The following PSMD1 variants were observed in gnomAD, a reference collection of about 807,000 sequenced individuals.
The protein encoded by PSMD1 is 26S proteasome non-ATPase regulatory subunit 1.
In PSMD1, 18 loss-of-function variants were observed where a neutral mutation model predicts 119.0. The ratio of observed to expected loss-of-function variants is 0.15; its 90% confidence interval spans 0.10 to 0.22. The LOEUF (loss-of-function observed/expected upper bound fraction) is 0.22, where lower values mean the gene tolerates loss of function less well. PSMD1 is among the 10% of genes least tolerant of loss of function. PSMD1 has a pLI of 1.00. For missense variants in PSMD1, 702 were observed against 1,158.5 expected (o/e 0.61, Z 5.72); for synonymous variants, 374 against 396.6 (o/e 0.94, Z 0.68).
chr2:231,163,624 A>G lies in PSMD1; in HGVS notation c.2389-11A>G, dbSNP rs901300164. 2.5e-6 allele frequency: 4 copies of G among 1,596,708 alleles called. No individual in the cohort carries two copies. The Admixed American group carries it at 5.0e-5, about 20-fold the overall frequency. On this transcript the variant is annotated splice_polypyrimidine_tract_variant and intron_variant, in intron 20 of 24. Coordinates refer to ENST00000308696, the MANE Select transcript of PSMD1 (RefSeq NM_002807.4). ...CTTAAAGCCAATGTTATTTTAATGG[A>G]ATTTCTTCAGATGCCGAAAGTTCAG...
chr2:231,095,763 G>A (rs979135551), intron 16 of PSMD1, among the ~76,000 whole-genome samples: 1 of 152,176 alleles, frequency 6.6e-6, no homozygotes, highest in African/African-American at 2.4e-5. Flanking sequence ...GAATCGCTGC[G>A]GGGGAAGGGA....
chr2:231,125,789 T>G (rs961704666), intron 16 of PSMD1, among the ~76,000 whole-genome samples: 1 of 152,242 alleles, frequency 6.6e-6, no homozygotes, highest in Non-Finnish European at 1.5e-5. Flanking sequence ...TATTAGAACC[T>G]CAGCATTCTC....
chr2:231,082,116 G>A (rs968210271), intron 12 of PSMD1, among the ~76,000 whole-genome samples: 1 of 152,182 alleles, frequency 6.6e-6, no homozygotes, highest in East Asian at 1.9e-4. Flanking sequence ...AGGCTGGAGT[G>A]CAGTGGCACA....
At chr2:231,059,837 T>A (rs1194320610) in intron 1 of PSMD1, among the ~76,000 whole-genome samples, 1 of 152,234 alleles carries the variant, frequency 6.6e-6, no homozygotes, top group East Asian at 1.9e-4. Context: ...AGAAGAGAGT[T>A]CTGTTTTGTT....
At chr2:231,062,127 A>G (rs916511162) in intron 2 of PSMD1, 121 bp from the exon 3 acceptor site, 1 of 623,472 alleles carries the variant, frequency 1.6e-6, no homozygotes, top group African/African-American at 1.8e-5. Flanking sequence ...TATATTTGTC[A>G]TAGAGTAAAA....
intron 5 of PSMD1, among the ~76,000 whole-genome samples, chr2:231,069,271 G>A (rs896348369): frequency 2.0e-5 from 3 of 150,368 alleles, no homozygotes; most frequent in African/African-American, 7.3e-5. Flanking sequence ...TAAGCTTTAT[G>A]AAACTAATAC....
At chr2:231,124,327 A>G (rs566393937) in intron 16 of PSMD1, among the ~76,000 whole-genome samples, 1 of 152,216 alleles carries the variant, frequency 6.6e-6, no homozygotes, top group African/African-American at 2.4e-5. Flanking sequence ...CAATGGTTAT[A>G]ATAAAAAGTT....
At chr2:231,113,606 T>C in intron 16 of PSMD1, 3 of 832,078 alleles carry the variant, frequency 3.6e-6, no homozygotes, top group Non-Finnish European at 6.4e-6. Context: ...CTTATGTTAA[T>C]GTATCAGTAG....
chr2:231,146,359 G>A lies in PSMD1; in HGVS notation c.2115+3G>A, dbSNP rs367890704. The A allele has an allele frequency of 1.2e-6, 2 of 1,600,098 alleles. No homozygotes were observed. The highest frequency in any genetic ancestry group is 1.1e-5 in the South Asian group (1 of 90,118). ...AGACTGAAATCACTTGTCCAAAGGT[G>A]AGCAAACAAAGAAATTCCCTGGAAG... On this transcript the variant is annotated splice_donor_region_variant and intron_variant, in intron 18 of 24. Coordinates refer to ENST00000308696, the MANE Select transcript of PSMD1 (RefSeq NM_002807.4).
intron 19 of PSMD1, among the ~76,000 whole-genome samples, chr2:231,158,272 C>T (rs749271560): frequency 1.3e-5 from 2 of 151,780 alleles, no homozygotes; most frequent in Non-Finnish European, 2.9e-5. Context: ...ATTGTGCCAC[C>T]GCACTGCAGC....
chr2:231,063,227 G>C (rs1198604608), intron 4 of PSMD1, among the ~76,000 whole-genome samples: 1 of 152,202 alleles, frequency 6.6e-6, no homozygotes, highest in Non-Finnish European at 1.5e-5. Flanking sequence ...TTTGAAGGAA[G>C]GGGATAACAC....
intron 16 of PSMD1, among the ~76,000 whole-genome samples, chr2:231,110,813 T>C (rs1266456669): frequency 6.6e-6 from 1 of 152,270 alleles, no homozygotes; most frequent in African/African-American, 2.4e-5. Flanking sequence ...ACATATTGTC[T>C]GTGGCTGCTT....
At chr2:231,094,409 G>A (rs751207590) in intron 16 of PSMD1, among the ~76,000 whole-genome samples, 1 of 152,156 alleles carries the variant, frequency 6.6e-6, no homozygotes, top group Non-Finnish European at 1.5e-5. Flanking sequence ...ATTAGAAATA[G>A]GATGTGTACG....
At position 231,164,101 on chromosome 2, in the gene PSMD1, T is replaced by C. The variant is rs373451135; in HGVS notation, c.2481+374T>C. Among the ~76,000 whole-genome samples the C allele has an allele frequency of 5.9e-5, 9 of 152,352 alleles. No individual in the cohort carries two copies. The South Asian group carries it at 1.9e-3, about 32-fold the overall frequency. The stretch of plus-strand genomic sequence containing the variant: ...TCCCAGAGCTGCAAAACAATGCCTT[T>C]ACTATGTGTAGTACTGTTTGTTTTA... On this transcript the variant is annotated intron_variant, in intron 21 of 24. Transcript: ENST00000308696.
intron 16 of PSMD1, chr2:231,109,295 A>C: frequency 6.2e-7 from 1 of 1,614,194 alleles, no homozygotes; most frequent in South Asian, 1.1e-5. Context: ...GAAGGCAGCC[A>C]GTGAGCCAAA....
chr2:231,118,169 A>G (rs961189817), intron 16 of PSMD1, among the ~76,000 whole-genome samples: 2 of 150,474 alleles, frequency 1.3e-5, no homozygotes, highest in African/African-American at 2.5e-5. Flanking sequence ...GTTTATATGG[A>G]TGATGATTAA....
rs780652984 is a variant in PSMD1, at chr2:231,062,227, G to A, written c.61-21G>A. 6 of 1,560,310 alleles carry A rather than the reference G, an allele frequency of 3.8e-6. No individual in the cohort carries two copies. The East Asian group carries it at 1.1e-4, about 29-fold the overall frequency. On this transcript the variant is annotated intron_variant, in intron 2 of 24. Transcript: ENST00000308696. The stretch of plus-strand genomic sequence containing the variant: ...TAATGATAAGTCTATCTCAAAATAG[G>A]ATTTTGGTTATCTTTTACAGGAATT...
chr2:231,089,364 AGAG>A (rs918549430), intron 16 of PSMD1, among the ~76,000 whole-genome samples: 4 of 152,296 alleles, frequency 2.6e-5, no homozygotes, highest in South Asian at 2.1e-4. Flanking sequence ...CATAGCCTAG[AGAG>A]GAGAAGTCAA....
Position 231,070,060 on chromosome 2 carries a change from G to C in PSMD1, c.546G>C (p.Lys182Asn). The C allele has an allele frequency of 6.6e-7, 1 of 1,523,144 alleles. No homozygotes were observed. Among genetic ancestry groups the C allele is most frequent in the Non-Finnish European group, 8.8e-7 (1 of 1,133,982 alleles). The allele number at this position is 1,523,144 out of a possible 1,614,324, so 94.4% of individuals were successfully genotyped here. Residue 182 changes from lysine (K) to asparagine (N), a missense_variant, in exon 6 of 25, where the codon AAG becomes AAC. Physicochemically the swap from Lys to Asn is moderately conservative, Grantham distance 94. Coordinates refer to ENST00000308696, the MANE Select transcript of PSMD1 (RefSeq NM_002807.4). Reference sequence around the variant, plus strand: ...CAGGAATGTTAGCTTATAGCCTTAAGCTCTGCATGTCTTTAATGCAGAATA... The same window carrying C: ...CAGGAATGTTAGCTTATAGCCTTAACCTCTGCATGTCTTTAATGCAGAATA... ...DVPGMLAYSL[K>N]LCMSLMQNKQ...
Sources: allele counts gnomAD v4.1 joint callset (sites outside exome capture counted in the v4.1 genomes callset), GRCh38; gene constraint gnomAD v4.1.1; transcripts MANE v1.5; gene names NCBI Gene and HGNC (gene_info 2026-07-23, HGNC 2026-07-21).